Variants in CCDC141 observed in about 807,000 individuals in gnomAD.
CCDC141 encodes the protein coiled-coil domain containing 141, also known as coiled-coil domain-containing protein 141.
In CCDC141, 168 loss-of-function variants were observed where a neutral mutation model predicts 181.0. That is an observed-to-expected ratio of 0.93 (90% CI 0.82 to 1.05). The LOEUF is 1.05. Among genes scored for constraint, CCDC141 ranks in the 50% least tolerant of loss-of-function variants. The pLI is 0.00. For synonymous variants in CCDC141, 666 were observed against 642.3 expected (o/e 1.04, Z -0.56); for missense variants, 1,902 against 1,788.5 (o/e 1.06, Z -1.14).
At chr2:179,012,417 C>A (rs2042295790) in intron 2 of CCDC141, among the ~76,000 whole-genome samples, 1 of 151,980 alleles carries the variant, frequency 6.6e-6, no homozygotes, top group African/African-American at 2.4e-5. Flanking sequence ...TACCTTAAAT[C>A]AAGAAAAATT....
At chr2:179,021,094 A>T (rs543444094) in intron 2 of CCDC141, among the ~76,000 whole-genome samples, 1 of 152,332 alleles carries the variant, frequency 6.6e-6, no homozygotes, top group East Asian at 1.9e-4. Context: ...ATGTAAGATA[A>T]TTATAAGATA....
At chr2:179,047,813 G>T (rs2043548733) in intron 1 of CCDC141, among the ~76,000 whole-genome samples, 1 of 152,202 alleles carries the variant, frequency 6.6e-6, no homozygotes, top group Non-Finnish European at 1.5e-5. Context: ...CAGGTAGGAT[G>T]CAAATTTCAC....
Position 178,896,516 on chromosome 2 carries a change from G to T in CCDC141, c.1266-7848C>A, listed in dbSNP as rs142438140. On this transcript the variant is annotated intron_variant, in intron 8 of 23. Coordinates refer to ENST00000443758, the MANE Select transcript of CCDC141 (RefSeq NM_173648.4). ...AACTTCCTAAATGAACTGAAAGAAA[G>T]AAAAACTTTGCAGAGAAGTTGGGAC... Among the ~76,000 whole-genome samples, 1,438 of 152,292 alleles carry T rather than the reference G, an allele frequency of 9.4e-3. 9 individuals are homozygous for T. Among genetic ancestry groups the T allele is most frequent in the Middle Eastern group, 0.024 (7 of 294 alleles).
chr2:178,868,296 G>T, intron 15 of CCDC141, 91 bp from the exon 16 acceptor site: 1 of 1,076,562 alleles, frequency 9.3e-7, no homozygotes, highest in African/African-American at 1.6e-5. Context: ...TTTGCTAGCT[G>T]GTCGAAATGC....
chr2:178,904,927 A>G (rs13407731), intron 8 of CCDC141, among the ~76,000 whole-genome samples: 3,321 of 152,248 alleles, frequency 0.022, 127 homozygotes, highest in African/African-American at 0.075. Flanking sequence ...AAATTCTGGT[A>G]TTTTATTTTC....
intron 2 of CCDC141, among the ~76,000 whole-genome samples, chr2:178,997,130 T>A (rs1692323868): frequency 6.6e-6 from 1 of 152,176 alleles, no homozygotes; most frequent in Non-Finnish European, 1.5e-5. Context: ...AAAGGCAGAA[T>A]GTACCCTGGC....
At chr2:178,955,613 C>A (rs998188320) in intron 5 of CCDC141, among the ~76,000 whole-genome samples, 6 of 151,810 alleles carry the variant, frequency 4.0e-5, no homozygotes, top group Non-Finnish European at 1.5e-5. Context: ...TATATATAGG[C>A]TAACTCAATT....
chr2:178,845,040 G>A (rs1684877640), intron 22 of CCDC141, among the ~76,000 whole-genome samples: 1 of 152,126 alleles, frequency 6.6e-6, no homozygotes. Context: ...GTCGTTACAT[G>A]CTTTATCAGT....
At chr2:178,881,513 T>C (rs567843983) in intron 11 of CCDC141, among the ~76,000 whole-genome samples, 1 of 152,146 alleles carries the variant, frequency 6.6e-6, no homozygotes, top group Non-Finnish European at 1.5e-5. Context: ...GGATGAAGAC[T>C]GAAAATATGC....
intron 17 of CCDC141, among the ~76,000 whole-genome samples, chr2:178,861,044 T>C (rs1269819112): frequency 1.3e-5 from 2 of 152,224 alleles, no homozygotes; most frequent in African/African-American, 2.4e-5. Context: ...GTAATCTTTC[T>C]TATCCTCTTA....
At chr2:178,878,319 T>G (rs933597920) in intron 11 of CCDC141, among the ~76,000 whole-genome samples, 176 bp from the exon 12 acceptor site, 7 of 148,280 alleles carry the variant, frequency 4.7e-5, no homozygotes, top group Middle Eastern at 7.0e-3. Context: ...TTTTAAGAGA[T>G]AAGGTCCTTT....
At chr2:178,817,617 T>A in the CCDC141 span, 8 of 469,644 alleles carry the variant, frequency 1.7e-5, no homozygotes, top group South Asian at 1.2e-4. Flanking sequence ...TGGAAGCAGA[T>A]CTCATCCTTC....
chr2:178,922,153 G>A (rs1392040579), intron 6 of CCDC141, among the ~76,000 whole-genome samples: 1 of 152,194 alleles, frequency 6.6e-6, no homozygotes, highest in Non-Finnish European at 1.5e-5. Flanking sequence ...TTAACTGTCT[G>A]CAAGATGGTA....
intron 13 of CCDC141, 33 bp downstream of exon 13, chr2:178,872,100 T>A (rs755688916): frequency 6.3e-7 from 1 of 1,597,022 alleles, no homozygotes. Context: ...CGGAATTTCA[T>A]TCCTTTTCAC....
intron 21 of CCDC141, among the ~76,000 whole-genome samples, chr2:178,849,170 T>G (rs1305755569): frequency 6.6e-6 from 1 of 152,142 alleles, no homozygotes; most frequent in Non-Finnish European, 1.5e-5. Flanking sequence ...CTGCTAGAAA[T>G]AAACATAATT....
chr2:178,977,226 T>C (rs1157069980), intron 3 of CCDC141, among the ~76,000 whole-genome samples: 3 of 152,176 alleles, frequency 2.0e-5, no homozygotes. Context: ...TTTTACTTCA[T>C]GTTATATCTG....
At chr2:179,028,932 G>A (rs954848234) in intron 2 of CCDC141, among the ~76,000 whole-genome samples, 4 of 151,938 alleles carry the variant, frequency 2.6e-5, no homozygotes, top group African/African-American at 4.8e-5. Flanking sequence ...ATCTACCCCC[G>A]CTTTAAAAAC....
At chr2:179,036,225 T>C (rs1428902198) in intron 2 of CCDC141, among the ~76,000 whole-genome samples, 2 of 152,174 alleles carry the variant, frequency 1.3e-5, no homozygotes, top group South Asian at 2.1e-4. Flanking sequence ...CTTCCAGAAT[T>C]CTTGCCCCTT....
intron 8 of CCDC141, among the ~76,000 whole-genome samples, chr2:178,897,758 G>T (rs555673935): frequency 6.6e-6 from 1 of 152,086 alleles, no homozygotes; most frequent in Non-Finnish European, 1.5e-5. Context: ...CTGGGTTTTT[G>T]TATGTTTTTG....
Sources: allele counts gnomAD v4.1 joint callset (sites outside exome capture counted in the v4.1 genomes callset), GRCh38; gene constraint gnomAD v4.1.1; transcripts MANE v1.5; gene names NCBI Gene and HGNC (gene_info 2026-07-23, HGNC 2026-07-21).